Variants in BTN3A2 observed in about 807,000 individuals in gnomAD.
BTN3A2 encodes the protein butyrophilin protein.
In BTN3A2, 25 loss-of-function variants were observed where a neutral mutation model predicts 37.6. That is an observed-to-expected ratio of 0.66 (90% confidence interval 0.48 to 0.93). The LOEUF is 0.93. Among genes scored for constraint, BTN3A2 ranks in the 40% least tolerant of loss-of-function variants. The probability of loss-of-function intolerance (pLI) is 0.00; values close to 1 mark genes in which losing one functional copy is unlikely to be tolerated. For missense variants in BTN3A2, 266 were observed against 410.9 expected, an observed-to-expected ratio of 0.65 and a Z score of 3.05; for synonymous variants, 122 against 159.4, an observed-to-expected ratio of 0.77 and a Z score of 1.77.
rs187160266 is a variant in BTN3A2 at position 26,375,898 on chromosome 6, G to A, written c.*136G>A. 5.2e-6 allele frequency: 8 copies of A among 1,525,324 alleles called. No individual in the cohort carries two copies. Among genetic ancestry groups the A allele is most frequent in the Non-Finnish European group, 7.1e-6 (8 of 1,124,640 alleles). The allele number at this position is 1,525,324 out of a possible 1,614,324, so 94.5% of individuals were successfully genotyped here. On this transcript the variant is annotated 3_prime_UTR_variant, in exon 11 of 11. Transcript: ENST00000377708. ...GAACTCATTTAGCTCACGAGTGGTCGAGTGAAGATTGAAAATTAACCTCTG... is the reference window on the plus strand; with the variant it reads ...GAACTCATTTAGCTCACGAGTGGTCAAGTGAAGATTGAAAATTAACCTCTG...
In BTN3A2 at chr6:26,368,190, T is replaced by C. The variant is rs535121781; in HGVS notation, c.8T>C (p.Met3Thr). Residue 3 changes from methionine to threonine, a missense_variant, in exon 3 of 11, where the codon ATG (methionine) becomes ACG (threonine). Physicochemically the swap from Met to Thr is moderately conservative, Grantham distance 81. Transcript: ENST00000377708. ...TCTTGATATGCAGCATAGATGAAAA[T>C]GGCAAGTTCCCTGGCTTTCCTTCTG... Reference protein sequence around the residue: MKMASSLAFLLLN... With the variant: MKTASSLAFLLLN... 1.9e-6 allele frequency: 3 copies of C among 1,614,040 alleles called. No individual in the cohort carries two copies. The highest frequency in any genetic ancestry group is 2.5e-6 in the Non-Finnish European group (3 of 1,180,046).
chr6:26,369,357 GAACTAGCTGTAT>G, intron 4 of BTN3A2, among the ~76,000 whole-genome samples: 1 of 152,320 alleles, frequency 6.6e-6, no homozygotes, highest in African/African-American at 2.4e-5. Flanking sequence ...TCCTGTAGTA[GAACTAGCTGTAT>G]TTCTTACGTG....
At position 26,373,405 on chromosome 6, in the gene BTN3A2, A is replaced by G. The variant is rs766205182; in HGVS notation, c.956A>G (p.Tyr319Cys). Residue 319 changes from tyrosine to cysteine, a missense_variant, in exon 8 of 11, where the codon TAC (tyrosine) becomes TGC (cysteine). Transcript: ENST00000377708. Reference sequence around the variant, plus strand: ...ATTGCAGAGAGGAAAAAAATCCAGTACTTGACTCGTGAGTGGCTTTGACAT... The same window carrying G: ...ATTGCAGAGAGGAAAAAAATCCAGTGCTTGACTCGTGAGTGGCTTTGACAT... ...QEELKRKKIQ[Y>C]LTRGEESSSD... 1.6e-5 allele frequency: 26 copies of G among 1,599,388 alleles called. No individual in the cohort carries two copies. Among genetic ancestry groups the G allele is most frequent in the Admixed American group, 1.8e-5 (1 of 55,894 alleles).
Position 26,377,020 on chromosome 6 carries a change from C to A in BTN3A2, c.*1258C>A. 7.1e-7 allele frequency: 1 copy of A among 1,411,908 alleles called. No individual in the cohort carries two copies. Among genetic ancestry groups the A allele is most frequent in the South Asian group, 1.2e-5 (1 of 85,716 alleles). 87.5% of individuals were successfully genotyped at this position (1,411,908 alleles called of 1,614,324 possible). On this transcript the variant is annotated 3_prime_UTR_variant, in exon 11 of 11. Coordinates refer to ENST00000377708, the MANE Select transcript of BTN3A2 (RefSeq NM_007047.5). The stretch of plus-strand genomic sequence containing the variant: ...TCTCATATCTACACATTTCTGCACG[C>A]CTCTTCCTCTGAGCCTCTGTATCCT...
chr6:26,374,137 T>G, intron 8 of BTN3A2, 190 bp from the exon 9 acceptor site: 1 of 507,892 alleles, frequency 2.0e-6, no homozygotes, highest in Non-Finnish European at 3.4e-6. Context: ...CCAGACTTGA[T>G]ATTAAGAAGA....
In BTN3A2 at chr6:26,376,353, T is replaced by C. The variant is rs1760715324; in HGVS notation, c.*591T>C. ...TGCTTCTTGGGGCCGCATCAGGGTA[T>C]TGGGTTAGGCAGATACTGACCTTAC... is the stretch of plus-strand genomic sequence containing the variant. On this transcript the variant is annotated 3_prime_UTR_variant, in exon 11 of 11. Transcript: ENST00000377708. The C allele has an allele frequency of 3.7e-6, 1 of 270,972 alleles. No individual in the cohort carries two copies. The highest frequency in any genetic ancestry group is 6.2e-5 in the South Asian group (1 of 16,134). 16.8% of individuals were successfully genotyped at this position (270,972 alleles called of 1,614,324 possible). A position where few individuals can be genotyped will look rare whatever the true frequency, so the allele number is the denominator to read the frequency against.
chr6:26,371,590 C>G (rs532520773), intron 5 of BTN3A2, among the ~76,000 whole-genome samples: 30 of 152,258 alleles, frequency 2.0e-4, no homozygotes, highest in African/African-American at 7.0e-4. Context: ...CTTATCGATC[C>G]AAACTTCCAC....
intron 1 of BTN3A2, among the ~76,000 whole-genome samples, chr6:26,366,389 G>C (rs1581532122): frequency 6.6e-6 from 1 of 152,132 alleles, no homozygotes; most frequent in African/African-American, 2.4e-5. Flanking sequence ...CTTGCCATGT[G>C]TACATGGCCA....
chr6:26,368,501 G>T (rs762143341), intron 3 of BTN3A2, 64 bp from the exon 4 acceptor site: 1 of 1,613,066 alleles, frequency 6.2e-7, no homozygotes, highest in Non-Finnish European at 8.5e-7. Flanking sequence ...GTCTGAGAAG[G>T]ACCCTTCCTC....
At position 26,374,340 on chromosome 6, in the gene BTN3A2, T is replaced by C; in HGVS notation, c.978T>C (p.Ser326=). 1 of 1,613,226 alleles carries C rather than the reference T, an allele frequency of 6.2e-7. No individual in the cohort carries two copies. The highest frequency in any genetic ancestry group is 1.1e-5 in the South Asian group (1 of 91,038). ...KIQYLTRGEE[S]SSDTNKSA ...CTTTCATTGTAGGTGGAGAGGAGTC[T>C]TCGTCCGATACCAATAAGTCAGCCT... The change falls in exon 9 of 11, where the codon TCT becomes TCC. Residue 326 remains serine (S), a synonymous_variant. Transcript: ENST00000377708.
Position 26,374,762 on chromosome 6 carries a change from T to C in BTN3A2, c.*7-9T>C, listed in dbSNP as rs913100402. The C allele has an allele frequency of 2.0e-6, 3 of 1,531,842 alleles. No individual in the cohort carries two copies. Among genetic ancestry groups the C allele is most frequent in the African/African-American group, 2.7e-5 (2 of 73,092 alleles). 94.9% of individuals were successfully genotyped at this position (1,531,842 alleles called of 1,614,324 possible). On this transcript the variant is annotated splice_polypyrimidine_tract_variant and intron_variant, in intron 9 of 10. Coordinates refer to ENST00000377708, the MANE Select transcript of BTN3A2 (RefSeq NM_007047.5). ...GACCTTTTTCTTATCTGTGTCTCCT[T>C]CCTTTCAGAATGGAAAAATGGCCCT... is the stretch of plus-strand genomic sequence containing the variant.
intron 10 of BTN3A2, 129 bp from the exon 11 acceptor site, chr6:26,375,668 C>T (rs1760652922): frequency 6.6e-7 from 1 of 1,514,944 alleles, no homozygotes; most frequent in African/African-American, 1.4e-5. Context: ...ACACAGAGCC[C>T]AGCACAGAGA....
In BTN3A2 at chr6:26,370,593, T is replaced by A. The variant is rs751534111; in HGVS notation, c.705T>A (p.Ile235=). The change falls in exon 5 of 11, where the codon ATT becomes ATA. Residue 235 remains isoleucine (I), a synonymous_variant. Transcript: ENST00000377708. ...TCGGCCTGGAAAAGACAGCCAGCAT[T>A]TCCATCGCAGGTCAGTACCTGCTTG... ...SLLGLEKTAS[I]SIADPFFRSA... is the part of the protein sequence containing the mutation. 7 of 1,614,104 alleles carry A rather than the reference T, an allele frequency of 4.3e-6. No individual in the cohort carries two copies. The African/African-American group carries it at 8.0e-5, about 18-fold the overall frequency.
At position 26,372,914 on chromosome 6, in the gene BTN3A2, G is replaced by A. The variant is rs780468088; in HGVS notation, c.733G>A (p.Ala245Thr). Residue 245 changes from alanine to threonine, a missense_variant, in exon 6 of 11, where the codon GCC (alanine) becomes ACC (threonine). Around this residue, in one of 3 missense-constraint regions of BTN3A2, gnomAD observed 204 missense variants for 232.6 expected, o/e 0.88. Transcript: ENST00000377708. The part of the protein sequence containing the change: ...ISIADPFFRS[A>T]QPWIAALAGT... ...CTTCGCAGACCCCTTCTTCAGGAGC[G>A]CCCAGCCCTGGATCGCAGCCCTGGC... 32 of 1,613,696 alleles carry A rather than the reference G, an allele frequency of 2.0e-5. No homozygotes were observed. The highest frequency in any genetic ancestry group is 2.3e-5 in the Non-Finnish European group (27 of 1,180,032).
chr6:26,374,231 A>G, intron 8 of BTN3A2, 96 bp from the exon 9 acceptor site: 1 of 495,436 alleles, frequency 2.0e-6, no homozygotes, highest in Non-Finnish European at 3.4e-6. Context: ...AAAAAAAAAA[A>G]AAAAAAAAAG....
rs981720515 is a variant in BTN3A2 at position 26,365,310 on chromosome 6, C to G, written c.-109C>G. The G allele has an allele frequency of 6.5e-7, 1 of 1,535,678 alleles. No homozygotes were observed. On this transcript the variant is annotated 5_prime_UTR_variant, in exon 1 of 11. Coordinates refer to ENST00000377708, the MANE Select transcript of BTN3A2 (RefSeq NM_007047.5). ...GAATGGAGAATTATTGATTGACCGT[C>G]TTTATTCTGTGGGCTCTGATTCTCC... is the stretch of plus-strand genomic sequence containing the variant.
chr6:26,370,602 A>G lies in BTN3A2; in HGVS notation c.714A>G (p.Ala238=). ...GLEKTASISI[A]DPFFRSAQPW... The stretch of plus-strand genomic sequence containing the variant: ...AAAAGACAGCCAGCATTTCCATCGC[A>G]GGTCAGTACCTGCTTGGCCTCAGGT... Residue 238 remains alanine, a splice_region_variant and synonymous_variant, in exon 5 of 11, where the codon GCA becomes GCG. Coordinates refer to ENST00000377708, the MANE Select transcript of BTN3A2 (RefSeq NM_007047.5). 6.2e-7 allele frequency: 1 copy of G among 1,614,132 alleles called. No individual in the cohort carries two copies. Among genetic ancestry groups the G allele is most frequent in the Non-Finnish European group, 8.5e-7 (1 of 1,179,984 alleles).
At chr6:26,369,321 C>T (rs9379859) in intron 4 of BTN3A2, among the ~76,000 whole-genome samples, 11,699 of 152,226 alleles carry the variant, frequency 0.077, 563 homozygotes, top group Non-Finnish European at 0.11. Flanking sequence ...TGCCAGTGTT[C>T]TCCAACTAGC....
rs1760434562 is a variant in BTN3A2 at position 26,374,146 on chromosome 6, G to A, written c.965-181G>A. 6 of 507,704 alleles carry A rather than the reference G, an allele frequency of 1.2e-5. No homozygotes were observed. In the South Asian group the frequency reaches 1.6e-4, roughly 13 times the overall value. The allele number at this position is 507,704 out of a possible 1,614,324, so 31.4% of individuals were successfully genotyped here. The stretch of plus-strand genomic sequence containing the variant: ...ATGTTCCCAGACTTGATATTAAGAA[G>A]AGGTGAAGAAAGAATTGTACCTGAA... On this transcript the variant is annotated intron_variant, in intron 8 of 10. Transcript: ENST00000377708.
Sources: allele counts gnomAD v4.1 joint callset (sites outside exome capture counted in the v4.1 genomes callset), GRCh38; gene constraint gnomAD v4.1.1; regional missense constraint gnomAD v4.1.1; transcripts MANE v1.5; gene names NCBI Gene and HGNC (gene_info 2026-07-23, HGNC 2026-07-21).